NLGN1: variants seen among roughly 807,000 people sequenced by gnomAD.
NLGN1 encodes neuroligin 1, also known as neuroligin-1.
NLGN1 carries 12 observed loss-of-function variants against 65.5 expected under a neutral mutation model. That is an observed-to-expected ratio of 0.18 (90% confidence interval 0.12 to 0.30). The LOEUF (loss-of-function observed/expected upper bound fraction) is 0.30, where lower values mean the gene tolerates loss of function less well. Ranked by LOEUF, NLGN1 falls within the 10% of genes least tolerant of loss-of-function variation. The probability of loss-of-function intolerance (pLI) is 1.00; values close to 1 mark genes in which losing one functional copy is unlikely to be tolerated. For missense variants in NLGN1, 750 were observed against 1,007.1 expected (o/e 0.74, Z 3.46); for synonymous variants, 350 against 359.5 (o/e 0.97, Z 0.30).
At chr3:174,149,699 A>G (rs1312939874) in intron 4 of NLGN1, among the ~76,000 whole-genome samples, 1 of 152,136 alleles carries the variant, frequency 6.6e-6, no homozygotes, top group Non-Finnish European at 1.5e-5. Flanking sequence ...TAACCCAAAG[A>G]TCTCTAAAAA....
chr3:173,854,312 T>C (rs187323696), intron 4 of NLGN1, among the ~76,000 whole-genome samples: 223 of 152,150 alleles, frequency 1.5e-3, no homozygotes, highest in African/African-American at 5.1e-3. Context: ...GCCATTTCAG[T>C]GTATTAAAAG....
intron 3 of NLGN1, among the ~76,000 whole-genome samples, chr3:173,757,690 T>C (rs1777345843): frequency 1.3e-5 from 2 of 151,982 alleles, no homozygotes; most frequent in East Asian, 3.9e-4. Context: ...AATGGCACTT[T>C]GGAGAAAATC....
intron 3 of NLGN1, among the ~76,000 whole-genome samples, chr3:173,791,102 G>A (rs1712616141): frequency 6.6e-6 from 1 of 152,164 alleles, no homozygotes; most frequent in Non-Finnish European, 1.5e-5. Flanking sequence ...AACGGTATCT[G>A]CATAGAGTAC....
At chr3:173,722,585 A>T (rs935028833) in intron 3 of NLGN1, among the ~76,000 whole-genome samples, 3 of 151,998 alleles carry the variant, frequency 2.0e-5, no homozygotes, top group African/African-American at 7.2e-5. Context: ...ATCTGCACTC[A>T]TCTATTAAGA....
At chr3:173,431,235 C>T (rs1005973427) in intron 1 of NLGN1, among the ~76,000 whole-genome samples, 6 of 152,134 alleles carry the variant, frequency 3.9e-5, no homozygotes, top group African/African-American at 1.4e-4. Context: ...ATGTTCCTGG[C>T]TCATCTTGTG....
chr3:173,399,065 A>G (rs1717161476), intron 1 of NLGN1, among the ~76,000 whole-genome samples: 1 of 152,244 alleles, frequency 6.6e-6, no homozygotes. Flanking sequence ...GGCCATTCAT[A>G]TATTTAAAAT....
rs368472672 is a variant in NLGN1, at chr3:174,257,041, A to G, written c.647-18274A>G. Among the ~76,000 whole-genome samples, 12 of 152,318 alleles carry G rather than the reference A, an allele frequency of 7.9e-5. No individual in the cohort carries two copies. In the East Asian group the frequency reaches 1.3e-3, roughly 17 times the overall value. Reference sequence around the variant, plus strand: ...CAAAGGTCTAATATCCAACATCTCTAAGGAACTTAAACCAATTTATAAGAA... The same window carrying G: ...CAAAGGTCTAATATCCAACATCTCTGAGGAACTTAAACCAATTTATAAGAA... On this transcript the variant is annotated intron_variant, in intron 4 of 6. Transcript: ENST00000457714.
At chr3:174,260,392 T>G (rs1367887843) in intron 4 of NLGN1, among the ~76,000 whole-genome samples, 1 of 151,006 alleles carries the variant, frequency 6.6e-6, no homozygotes, top group Non-Finnish European at 1.5e-5. Context: ...TGGTGTGAGA[T>G]GGTATCTCAT....
intron 4 of NLGN1, among the ~76,000 whole-genome samples, chr3:173,929,696 C>CTTTTTTTCTTTT (rs759562064): frequency 2.9e-5 from 4 of 139,348 alleles, no homozygotes; most frequent in Non-Finnish European, 6.3e-5. Context: ...TTCTTTTTTT[C>CTTTTTTTCTTTT]TTTTTTTCTT....
intron 4 of NLGN1, among the ~76,000 whole-genome samples, chr3:174,162,556 T>C (rs1386172467): frequency 6.6e-6 from 1 of 151,986 alleles, no homozygotes; most frequent in East Asian, 1.9e-4. Context: ...TTCTGTACTG[T>C]GCAATTGATT....
At chr3:173,766,465 T>C (rs1432404730) in intron 3 of NLGN1, among the ~76,000 whole-genome samples, 1 of 152,112 alleles carries the variant, frequency 6.6e-6, no homozygotes, top group Admixed American at 6.6e-5. Flanking sequence ...GTAGTAGTAG[T>C]AGCAGCAATA....
At chr3:173,496,301 C>T (rs372689739) in intron 2 of NLGN1, among the ~76,000 whole-genome samples, 1 of 151,890 alleles carries the variant, frequency 6.6e-6, no homozygotes. Flanking sequence ...GAATAGATAG[C>T]TTCTAGAATA....
At chr3:173,480,603 C>T (rs1414420734) in intron 2 of NLGN1, among the ~76,000 whole-genome samples, 1 of 152,068 alleles carries the variant, frequency 6.6e-6, no homozygotes, top group East Asian at 1.9e-4. Context: ...TCAAGGACAT[C>T]AACAGGATTT....
At chr3:174,207,141 C>T (rs1366196457) in intron 4 of NLGN1, among the ~76,000 whole-genome samples, 1 of 148,326 alleles carries the variant, frequency 6.7e-6, no homozygotes, top group Non-Finnish European at 1.5e-5. Context: ...GATTTTGAAA[C>T]TGAATGGTGC....
At chr3:173,561,814 C>T (rs1301771443) in intron 2 of NLGN1, among the ~76,000 whole-genome samples, 1 of 152,106 alleles carries the variant, frequency 6.6e-6, no homozygotes, top group Non-Finnish European at 1.5e-5. Flanking sequence ...GACATTATCC[C>T]TGTCTGTAAT....
chr3:173,713,910 T>A, intron 3 of NLGN1, among the ~76,000 whole-genome samples: 1 of 152,058 alleles, frequency 6.6e-6, no homozygotes, highest in East Asian at 1.9e-4. Context: ...ATATATGGCT[T>A]TATTGCTAAA....
At chr3:173,697,001 A>G (rs1252905896) in intron 3 of NLGN1, among the ~76,000 whole-genome samples, 1 of 152,204 alleles carries the variant, frequency 6.6e-6, no homozygotes, top group African/African-American at 2.4e-5. Context: ...AGAGCCATAG[A>G]GCAAGCCAGA....
At chr3:173,603,684 A>G (rs1476226745) in intron 2 of NLGN1, among the ~76,000 whole-genome samples, 1 of 152,142 alleles carries the variant, frequency 6.6e-6, no homozygotes, top group Non-Finnish European at 1.5e-5. Context: ...GCAAAATTTT[A>G]TGAAAACATT....
chr3:174,015,094 A>G (rs533038059), intron 4 of NLGN1, among the ~76,000 whole-genome samples: 1 of 152,068 alleles, frequency 6.6e-6, no homozygotes, highest in South Asian at 2.1e-4. Context: ...TTTTATCTTT[A>G]TAATTACATT....
Sources: allele counts gnomAD v4.1 joint callset (sites outside exome capture counted in the v4.1 genomes callset), GRCh38; gene constraint gnomAD v4.1.1; transcripts MANE v1.5; gene names NCBI Gene and HGNC (gene_info 2026-07-23, HGNC 2026-07-21).